RNF8: variants seen among roughly 807,000 people sequenced by gnomAD.
RNF8 encodes the protein E3 ubiquitin-protein ligase RNF8.
In RNF8, 8 loss-of-function variants were observed where a neutral mutation model predicts 59.3. The observed-to-expected ratio is 0.13, with a 90% confidence interval of 0.08 to 0.24. The LOEUF is 0.24. Among genes scored for constraint, RNF8 ranks in the 10% least tolerant of loss-of-function variants. RNF8 has a pLI of 1.00. For missense variants in RNF8, 406 were observed against 572.6 expected (o/e 0.71, Z 2.97); for synonymous variants, 162 against 200.0 (o/e 0.81, Z 1.60).
intron 7 of RNF8, 129 bp downstream of exon 7, chr6:37,381,483 G>A: frequency 1.3e-6 from 1 of 784,280 alleles, no homozygotes; most frequent in Non-Finnish European, 2.1e-6. Flanking sequence ...GGAATAAATG[G>A]GGAGGAGTAA....
At chr6:37,380,690 C>G (rs1215915500) in intron 6 of RNF8, among the ~76,000 whole-genome samples, 1 of 150,220 alleles carries the variant, frequency 6.7e-6, no homozygotes, top group Non-Finnish European at 1.5e-5. Flanking sequence ...AAAAAAAATT[C>G]CCCAACCCTA....
intron 6 of RNF8, among the ~76,000 whole-genome samples, chr6:37,378,565 C>T (rs530381209): frequency 3.6e-5 from 5 of 139,352 alleles, no homozygotes; most frequent in Non-Finnish European, 7.5e-5. Flanking sequence ...CGCACCACTG[C>T]ACTCCAGCAT....
chr6:37,357,300 T>G (rs1273515905), intron 1 of RNF8, among the ~76,000 whole-genome samples: 1 of 152,096 alleles, frequency 6.6e-6, no homozygotes, highest in Non-Finnish European at 1.5e-5. Flanking sequence ...ATAGGTGAAA[T>G]ATCAGTAGTA....
At position 37,381,242 on chromosome 6, in the gene RNF8, C is replaced by T. The variant is rs1329626143; in HGVS notation, c.1329C>T (p.Asp443=). The change falls in exon 7 of 8, where the codon GAC becomes GAT. Residue 443 remains aspartate (D), a synonymous_variant. Transcript: ENST00000373479. ...TAGAATGCCCCATTTGTCGGAAGGA[C>T]ATTAAGTCCAAAACGTACTCTTTGG... is the stretch of plus-strand genomic sequence containing the variant. ...RKIECPICRK[D]IKSKTYSLVL... is the part of the protein sequence containing the mutation. 4 of 1,614,118 alleles carry T rather than the reference C, an allele frequency of 2.5e-6. No individual in the cohort carries two copies. Among genetic ancestry groups the T allele is most frequent in the African/African-American group, 1.3e-5 (1 of 75,040 alleles).
intron 4 of RNF8, among the ~76,000 whole-genome samples, chr6:37,372,786 A>G (rs139567844): frequency 6.6e-6 from 1 of 152,322 alleles, no homozygotes; most frequent in East Asian, 1.9e-4. Flanking sequence ...CCTGACCAAC[A>G]TGGAGAAACC....
intron 6 of RNF8, among the ~76,000 whole-genome samples, chr6:37,380,327 G>A (rs1581691750): frequency 6.6e-6 from 1 of 152,132 alleles, no homozygotes; most frequent in Non-Finnish European, 1.5e-5. Context: ...TGGAACCTGA[G>A]TCTGTGACCT....
intron 6 of RNF8, 126 bp from the exon 7 acceptor site, chr6:37,381,024 G>A: frequency 1.2e-6 from 1 of 809,014 alleles, no homozygotes; most frequent in Middle Eastern, 2.8e-4. Flanking sequence ...AAGCCCTTAA[G>A]ATGGGATTGT....
At position 37,369,083 on chromosome 6, in the gene RNF8, G is replaced by T. The variant is rs1403996732; in HGVS notation, c.840G>T (p.Gly280=). ...VMNVKKQTQK[G]NSKKVVQMEQ... ...ATGTGAAAAAGCAGACCCAAAAGGG[G>T]AACTCAAAGAAAGTTGTGCAAATGG... is the stretch of plus-strand genomic sequence containing the variant. The change falls in exon 3 of 8, where the codon GGG becomes GGT. Residue 280 remains glycine, a synonymous_variant. Coordinates refer to ENST00000373479, the MANE Select transcript of RNF8 (RefSeq NM_003958.4). 1 of 1,614,190 alleles carries T rather than the reference G, an allele frequency of 6.2e-7. No individual in the cohort carries two copies. Among genetic ancestry groups the T allele is most frequent in the East Asian group, 2.2e-5 (1 of 44,890 alleles).
chr6:37,363,998 T>G (rs1170613682), intron 2 of RNF8, among the ~76,000 whole-genome samples: 2 of 151,846 alleles, frequency 1.3e-5, no homozygotes. Context: ...GCTAACATGG[T>G]GAAACCCCGT....
chr6:37,379,257 C>T (rs1770154772), intron 6 of RNF8, among the ~76,000 whole-genome samples: 1 of 152,190 alleles, frequency 6.6e-6, no homozygotes, highest in Non-Finnish European at 1.5e-5. Context: ...CTCAGGTGAT[C>T]TGCCTGCCTC....
chr6:37,354,025 T>C lies in RNF8; in HGVS notation c.-140T>C. The C allele has an allele frequency of 1.3e-6, 1 of 769,832 alleles. No homozygotes were observed. The highest frequency in any genetic ancestry group is 2.1e-6 in the Non-Finnish European group (1 of 465,500). The allele number at this position is 769,832 out of a possible 1,614,324, so 47.7% of individuals were successfully genotyped here. On this transcript the variant is annotated 5_prime_UTR_variant, in exon 1 of 8. Coordinates refer to ENST00000373479, the MANE Select transcript of RNF8 (RefSeq NM_003958.4). ...TGGCCGAGGGCGGGCGAGCGGAGCC[T>C]GCTTTCGCAGCGATCGCGAGCGTGT...
At position 37,392,628 on chromosome 6, in the gene RNF8, G is replaced by C. The variant is rs550673437; in HGVS notation, c.*1870G>C. The C allele has an allele frequency of 7.5e-6, 3 of 398,424 alleles. No individual in the cohort carries two copies. The allele number at this position is 398,424 out of a possible 1,614,324, so 24.7% of individuals were successfully genotyped here. On this transcript the variant is annotated 3_prime_UTR_variant, in exon 8 of 8. Transcript: ENST00000373479. The stretch of plus-strand genomic sequence containing the variant: ...ATATGTTGGCAACAGTTCCATGTCA[G>C]TACATAGTTTCCTTTCTTTATTACA...
intron 2 of RNF8, among the ~76,000 whole-genome samples, chr6:37,362,156 G>A (rs1269865596): frequency 1.3e-5 from 2 of 152,230 alleles, no homozygotes; most frequent in Non-Finnish European, 2.9e-5. Flanking sequence ...TAGGCTGTAT[G>A]AGAGTTAGGA....
intron 1 of RNF8, among the ~76,000 whole-genome samples, chr6:37,358,996 T>C (rs1003164329): frequency 1.1e-4 from 17 of 152,152 alleles, no homozygotes; most frequent in African/African-American, 4.1e-4. Context: ...ACGTGGAAGC[T>C]GAGGCAGGAG....
In RNF8 at chr6:37,364,178, C is replaced by CAAA. The variant is rs35915593; in HGVS notation, c.240+3623_240+3625dup. ...TGGGGGACAGAGCGAGACTCTGTCT[C>CAAA]AAAAAAAAAAAAAAAAAAAAATTGA... is the stretch of plus-strand genomic sequence containing the variant. On this transcript the variant is annotated intron_variant, in intron 2 of 7. Coordinates refer to ENST00000373479, the MANE Select transcript of RNF8 (RefSeq NM_003958.4). 6.6e-4 allele frequency among the ~76,000 whole-genome samples: 54 copies of CAAA among 81,982 alleles called. 1 individual carries two copies. The highest frequency in any genetic ancestry group is 1.3e-3 in the Admixed American group (10 of 7,492). The allele number at this position is 81,982 out of a possible 152,430, so 53.8% of individuals were successfully genotyped here.
intron 1 of RNF8, among the ~76,000 whole-genome samples, chr6:37,355,248 A>G: frequency 6.6e-6 from 1 of 152,180 alleles, no homozygotes; most frequent in East Asian, 1.9e-4. Context: ...ACTGGGAACC[A>G]TTTGGGTTTT....
At chr6:37,386,010 A>G (rs1275892944) in intron 7 of RNF8, among the ~76,000 whole-genome samples, 1 of 151,546 alleles carries the variant, frequency 6.6e-6, no homozygotes, top group East Asian at 1.9e-4. Flanking sequence ...AATTTTTTGT[A>G]TTTTTTGTAG....
At chr6:37,373,240 G>A (rs1262358922) in intron 4 of RNF8, among the ~76,000 whole-genome samples, 2 of 144,174 alleles carry the variant, frequency 1.4e-5, no homozygotes, top group African/African-American at 5.9e-5. Context: ...AGTTAGAAAT[G>A]GGTCCAGACC....
intron 4 of RNF8, among the ~76,000 whole-genome samples, chr6:37,373,546 A>G (rs915274582): frequency 6.6e-6 from 1 of 152,152 alleles, no homozygotes; most frequent in African/African-American, 2.4e-5. Context: ...AGCTGGAACC[A>G]TAGGCGCGCG....
Sources: gnomAD v4.1 joint callset for allele counts (sites outside exome capture counted in the v4.1 genomes callset) on GRCh38, gnomAD v4.1.1 for gene constraint, MANE v1.5 for transcripts, NCBI Gene and HGNC (gene_info 2026-07-23, HGNC 2026-07-21) for gene names.